Variants in GPR179 observed in about 807,000 individuals in gnomAD.
GPR179 encodes probable G protein-coupled receptor 179.
Under a neutral mutation model 70.8 loss-of-function variants are expected in GPR179, and 52 were observed. The observed-to-expected ratio is 0.73, with a 90% CI of 0.59 to 0.93. The LOEUF (loss-of-function observed/expected upper bound fraction) is 0.93. GPR179 is among the 40% of genes least tolerant of loss of function. The probability of loss-of-function intolerance (pLI) is 0.00; values close to 1 mark genes in which losing one functional copy is unlikely to be tolerated. For missense variants in GPR179, 2,734 were observed against 2,966.8 expected (o/e 0.92, Z 1.82); for synonymous variants, 1,123 against 1,169.0 (o/e 0.96, Z 0.80).
Position 38,330,445 on chromosome 17 carries a change from C to T in GPR179, c.3124G>A (p.Ala1042Thr), listed in dbSNP as rs1001096567. ...ALSVAVEKSR[A>T]GENEMDAEDA... is the part of the protein sequence containing the mutation. ...TCTGCGTCCATCTCATTCTCCCCAG[C>T]CCTGCTTTTCTCTACTGCAACAGAG... Residue 1042 changes from alanine (A) to threonine (T), a missense_variant, in exon 11 of 11, where the codon GCT becomes ACT. Ala to Thr is a moderately conservative substitution (Grantham distance 58, BLOSUM62 0). Coordinates refer to ENST00000616987, the MANE Select transcript of GPR179 (RefSeq NM_001004334.4). 26 of 1,577,132 alleles carry T rather than the reference C, an allele frequency of 1.6e-5. No individual in the cohort carries two copies. The highest frequency in any genetic ancestry group is 2.2e-5 in the Non-Finnish European group (26 of 1,158,890).
chr17:38,336,999 G>A lies in GPR179; in HGVS notation c.1206C>T (p.Ser402=). 1 of 1,603,892 alleles carries A rather than the reference G, an allele frequency of 6.2e-7. No homozygotes were observed. The highest frequency in any genetic ancestry group is 8.5e-7 in the Non-Finnish European group (1 of 1,176,304). ...TTGCCTTGTTCCGGCGGCAGCGGTA[G>A]GAGACCAGCATGCTCAGGAAGATGG... ...MLAIFLSMLV[S]YRCRRNKRIW... is the part of the protein sequence containing the mutation. The change falls in exon 4 of 11, where the codon TCC becomes TCT. Residue 402 remains serine, a synonymous_variant. Transcript: ENST00000616987.
chr17:38,337,661 A>ACCT lies in GPR179; in HGVS notation c.962_963insAGG (p.Gly322dup). 2 of 1,602,634 alleles carry ACCT rather than the reference A, an allele frequency of 1.2e-6. No homozygotes were observed. The highest frequency in any genetic ancestry group is 1.7e-5 in the Admixed American group (1 of 58,382). On this transcript the variant is annotated inframe_insertion, in exon 3 of 11. Transcript: ENST00000616987. ...CAGAGGGGCTTGCCCCGTAGAATCC[A>ACCT]GGTCGGCAGCGGCAGAGGTAGCGGC... is the stretch of plus-strand genomic sequence containing the variant.
chr17:38,328,877 A>C lies in GPR179; in HGVS notation c.4692T>G (p.Asn1564Lys). The C allele has an allele frequency of 6.2e-7, 1 of 1,613,254 alleles. No individual in the cohort carries two copies. Among genetic ancestry groups the C allele is most frequent in the Non-Finnish European group, 8.5e-7 (1 of 1,179,870 alleles). ...SSKAGSQFLC[N>K]GGSRATQVCP... ...ACACCTGCGTTGCTCTGCTTCCTCC[A>C]TTGCATAGGAATTGGCTACCAGCTT... The change falls in exon 11 of 11, where the codon AAT becomes AAG. Residue 1564 changes from asparagine (N) to lysine (K), a missense_variant. Transcript: ENST00000616987.
rs1329963950 is a variant in GPR179 at position 38,337,159 on chromosome 17, C to A, written c.1046G>T (p.Arg349Ile). ...CAGACACTGCAGCAGTCTCCCAGAT[C>A]TGCCTTCTGGGAACCCGAATTGCCC... is the stretch of plus-strand genomic sequence containing the variant. ...TTGQFGFPEG[R>I]SGRLLQCLPC... Residue 349 changes from arginine (R) to isoleucine (I), a missense_variant, in exon 4 of 11, where the codon AGA becomes ATA. Physicochemically the swap from Arg to Ile is moderately conservative, Grantham distance 97. Coordinates refer to ENST00000616987, the MANE Select transcript of GPR179 (RefSeq NM_001004334.4). 1 of 1,612,994 alleles carries A rather than the reference C, an allele frequency of 6.2e-7. No individual in the cohort carries two copies.
At chr17:38,332,615 T>G (rs118186022) in intron 10 of GPR179, among the ~76,000 whole-genome samples, 5,067 of 152,162 alleles carry the variant, frequency 0.033, 126 homozygotes, top group South Asian at 0.056. Context: ...TGAGGCTTTT[T>G]TGTGTGTGTG....
Position 38,331,136 on chromosome 17 carries a change from A to G in GPR179, c.2433T>C (p.Pro811=), listed in dbSNP as rs774863999. 15 of 1,604,950 alleles carry G rather than the reference A, an allele frequency of 9.3e-6. No homozygotes were observed. Among genetic ancestry groups the G allele is most frequent in the East Asian group, 8.9e-5 (4 of 44,852 alleles). Residue 811 remains proline, a synonymous_variant, in exon 11 of 11, where the codon CCT becomes CCC. Transcript: ENST00000616987. ...CGCTGGCTGACCTGAAGCCCAGGGCAGGGGGCCCCTCCACCGACTCCCGGC... is the reference window on the plus strand; with the variant it reads ...CGCTGGCTGACCTGAAGCCCAGGGCGGGGGGCCCCTCCACCGACTCCCGGC... ...TESRESVEGP[P]ALGFRSASAH...
At chr17:38,336,053 C>T in intron 5 of GPR179, 23 bp downstream of exon 5, 1 of 1,588,516 alleles carries the variant, frequency 6.3e-7, no homozygotes. Context: ...GAAGGTGGGG[C>T]CAGCCTGTGG....
At position 38,327,201 on chromosome 17, in the gene GPR179, G is replaced by A; in HGVS notation, c.6368C>T (p.Pro2123Leu). Reference protein sequence around the residue: ...EVCLWEVVEAPSAKKAEICPW... With the variant: ...EVCLWEVVEALSAKKAEICPW... ...GCAGATCTCTGCTTTCTTGGCAGAGGGAGCCTCTACCACTTCCCACAGACA... is the reference window on the plus strand; with the variant it reads ...GCAGATCTCTGCTTTCTTGGCAGAGAGAGCCTCTACCACTTCCCACAGACA... The change falls in exon 11 of 11, where the codon CCC becomes CTC. Residue 2123 changes from proline to leucine, a missense_variant. Transcript: ENST00000616987. 6.2e-7 allele frequency: 1 copy of A among 1,614,192 alleles called. No homozygotes were observed. Among genetic ancestry groups the A allele is most frequent in the South Asian group, 1.1e-5 (1 of 91,088 alleles).
intron 10 of GPR179, 71 bp downstream of exon 10, chr17:38,333,180 A>G (rs1486434882): frequency 1.4e-6 from 2 of 1,418,756 alleles, no homozygotes; most frequent in Non-Finnish European, 2.0e-6. Context: ...CCCAGGTGGC[A>G]GGGCCCAGTC....
chr17:38,331,015 G>A lies in GPR179; in HGVS notation c.2554C>T (p.Leu852Phe). The stretch of plus-strand genomic sequence containing the variant: ...TCCAGGTAGGCCTGGCTGGCCATGA[G>A]CAAGGCCTTTTCCCTGGAGCTGGCC... ...SVASSREKAL[L>F]MASQAYLEET... The change falls in exon 11 of 11, where the codon CTC becomes TTC. Residue 852 changes from leucine (L) to phenylalanine (F), a missense_variant. Transcript: ENST00000616987. The A allele has an allele frequency of 6.2e-7, 1 of 1,610,896 alleles. No homozygotes were observed. The highest frequency in any genetic ancestry group is 8.5e-7 in the Non-Finnish European group (1 of 1,179,962).
rs180886021 is a variant in GPR179 at position 38,339,128 on chromosome 17, G to A, written c.903+289C>T. 1.5e-4 allele frequency among the ~76,000 whole-genome samples: 23 copies of A among 152,212 alleles called. 1 individual carries two copies. The highest frequency in any genetic ancestry group is 3.4e-3 in the Middle Eastern group (1 of 294). ...GGCTCAGGAAGTCACCCTGGGGAGG[G>A]GTCCTGGAGCACTGAGTACCAGAAA... On this transcript the variant is annotated intron_variant, in intron 2 of 10. Transcript: ENST00000616987.
rs2037383088 is a variant in GPR179 at position 38,334,121 on chromosome 17, A to G, written c.1785-83T>C. ...TGCCTTCTCACTGGCGTTTCACCTC[A>G]GCCCCAACCCTGATACGCTTAGGAC... On this transcript the variant is annotated intron_variant, in intron 8 of 10. Coordinates refer to ENST00000616987, the MANE Select transcript of GPR179 (RefSeq NM_001004334.4). The surrounding 1 kb of genome is among the most constrained non-coding windows in gnomAD (Gnocchi z 4.7). 1.0e-6 allele frequency: 1 copy of G among 967,364 alleles called. No homozygotes were observed. Among genetic ancestry groups the G allele is most frequent in the Non-Finnish European group, 1.7e-6 (1 of 595,276 alleles). The allele number at this position is 967,364 out of a possible 1,614,324, so 59.9% of individuals were successfully genotyped here.
intron 2 of GPR179, 179 bp downstream of exon 2, chr17:38,339,238 G>A: frequency 3.6e-6 from 2 of 558,078 alleles, no homozygotes. Context: ...CAGGCTGTAG[G>A]TGACCTGACT....
At chr17:38,336,566 G>A (rs1241773594) in intron 4 of GPR179, among the ~76,000 whole-genome samples, 1 of 152,128 alleles carries the variant, frequency 6.6e-6, no homozygotes, top group Admixed American at 6.6e-5. Flanking sequence ...CATCCAGAAA[G>A]TCTTTCCCAT....
chr17:38,334,928 T>C lies in GPR179; in HGVS notation c.1646-86A>G. 6.3e-7 allele frequency: 1 copy of C among 1,594,766 alleles called. No homozygotes were observed. The highest frequency in any genetic ancestry group is 8.6e-7 in the Non-Finnish European group (1 of 1,166,520). The stretch of plus-strand genomic sequence containing the variant: ...TCTGAAAGATGTGCTGGGGGGAGCC[T>C]GGGCTCGGGGTCTGGGGACAAGTCA... On this transcript the variant is annotated intron_variant, in intron 7 of 10. Coordinates refer to ENST00000616987, the MANE Select transcript of GPR179 (RefSeq NM_001004334.4). This position sits in a 1 kb window ranked among gnomAD's most constrained non-coding sequence, Gnocchi z 4.7.
rs149830172 is a variant in GPR179, at chr17:38,337,176, G to A, written c.1029C>T (p.Phe343=). 3.5e-4 allele frequency: 572 copies of A among 1,612,668 alleles called. 5 individuals carry two copies. The African/African-American group carries it at 6.2e-3, about 18-fold the overall frequency. ...EESDFQTTGQ[F]GFPEGRSGRL... ...TCCCAGATCTGCCTTCTGGGAACCCGAATTGCCCGGTAGTCTGGAAGTCAC... is the reference window on the plus strand; with the variant it reads ...TCCCAGATCTGCCTTCTGGGAACCCAAATTGCCCGGTAGTCTGGAAGTCAC... Residue 343 remains phenylalanine, a synonymous_variant, in exon 4 of 11, where the codon TTC becomes TTT. Transcript: ENST00000616987.
rs371145247 is a variant in GPR179, at chr17:38,327,307, G to C, written c.6262C>G (p.Gln2088Glu). 6.2e-7 allele frequency: 1 copy of C among 1,614,104 alleles called. No homozygotes were observed. Among genetic ancestry groups the C allele is most frequent in the Non-Finnish European group, 8.5e-7 (1 of 1,180,040 alleles). The change falls in exon 11 of 11, where the codon CAG becomes GAG. Residue 2088 changes from glutamine (Q) to glutamate (E), a missense_variant. Coordinates refer to ENST00000616987, the MANE Select transcript of GPR179 (RefSeq NM_001004334.4). ...ESQDGKGLSP[Q>E]PAPDASDRSR... ...CTGTCAGAAGCATCTGGGGCTGGCT[G>C]TGGGGACAGACCCTTGCCATCTTGA...
At position 38,325,993 on chromosome 17, in the gene GPR179, T is replaced by C. The variant is rs527708117; in HGVS notation, c.*472A>G. ...TTCTATGGTGGCCTTTATAGCCTTCTGTGGTCCACCATCCCTACGTTGCCA... is the reference window on the plus strand; with the variant it reads ...TTCTATGGTGGCCTTTATAGCCTTCCGTGGTCCACCATCCCTACGTTGCCA... On this transcript the variant is annotated 3_prime_UTR_variant, in exon 11 of 11. Coordinates refer to ENST00000616987, the MANE Select transcript of GPR179 (RefSeq NM_001004334.4). The C allele has an allele frequency of 6.3e-6, 1 of 157,736 alleles. No homozygotes were observed. The highest frequency in any genetic ancestry group is 1.9e-4 in the East Asian group (1 of 5,286). The allele number at this position is 157,736 out of a possible 1,614,324, so 9.8% of individuals were successfully genotyped here.
At chr17:38,336,423 C>T (rs553708791) in intron 4 of GPR179, among the ~76,000 whole-genome samples, 1 of 152,356 alleles carries the variant, frequency 6.6e-6, no homozygotes, top group African/African-American at 2.4e-5. Flanking sequence ...AGGCTCAAAT[C>T]AGAGGCTGCT....
Sources: gnomAD v4.1 joint callset for allele counts (sites outside exome capture counted in the v4.1 genomes callset) on GRCh38, gnomAD v4.1.1 for gene constraint, Gnocchi (gnomAD v3.1) non-coding constraint, MANE v1.5 for transcripts, NCBI Gene and HGNC (gene_info 2026-07-23, HGNC 2026-07-21) for gene names.